The following ZNF704 variants were observed in gnomAD, a reference collection of about 807,000 sequenced individuals.
The protein encoded by ZNF704 is zinc finger protein 704.
ZNF704 carries 10 observed loss-of-function variants against 44.7 expected under a neutral mutation model. That is an observed-to-expected ratio of 0.22 (90% CI 0.14 to 0.38). The LOEUF is 0.38. Ranked by LOEUF, ZNF704 falls within the 10% of genes least tolerant of loss-of-function variation. The probability of loss-of-function intolerance (pLI) is 1.00; values close to 1 mark genes in which losing one functional copy is unlikely to be tolerated. For missense variants in ZNF704, 390 were observed against 545.5 expected, an observed-to-expected ratio of 0.71 and a Z score of 2.84; for synonymous variants, 211 against 207.6, an observed-to-expected ratio of 1.02 and a Z score of -0.14.
intron 1 of ZNF704, among the ~76,000 whole-genome samples, chr8:80,869,391 T>G (rs985247563): frequency 1.3e-5 from 2 of 152,210 alleles, no homozygotes; most frequent in African/African-American, 4.8e-5. Context: ...CAAATCTCCC[T>G]CACCCTCAGC....
At chr8:80,767,258 A>T (rs1302311837) in intron 2 of ZNF704, among the ~76,000 whole-genome samples, 1 of 152,138 alleles carries the variant, frequency 6.6e-6, no homozygotes, top group Non-Finnish European at 1.5e-5. Context: ...TGGTTAATTA[A>T]TAAATATCTT....
intron 4 of ZNF704, among the ~76,000 whole-genome samples, chr8:80,676,326 C>T (rs911414770): frequency 6.6e-6 from 1 of 152,104 alleles, no homozygotes; most frequent in African/African-American, 2.4e-5. Context: ...GGAGTGACTG[C>T]AAAGACAGGG....
At chr8:80,666,505 G>C (rs1452862032) in intron 5 of ZNF704, among the ~76,000 whole-genome samples, 1 of 143,944 alleles carries the variant, frequency 6.9e-6, no homozygotes, top group Non-Finnish European at 1.5e-5. Flanking sequence ...GGGTCAAATG[G>C]TATTTCTAGT....
intron 2 of ZNF704, chr8:80,812,488 T>G (rs1234832311): frequency 1.3e-5 from 2 of 153,020 alleles, no homozygotes; most frequent in South Asian, 4.1e-4. Flanking sequence ...TCTGAGAAGT[T>G]GATGGGAGCA....
Position 80,655,047 on chromosome 8 carries a change from T to C in ZNF704, c.1032+4538A>G, listed in dbSNP as rs535924670. ...TGAGTTCATGTCCTTTGTAGGGACATGGATGAAGCTGGAAACCATCATTCT... is the reference window on the plus strand; with the variant it reads ...TGAGTTCATGTCCTTTGTAGGGACACGGATGAAGCTGGAAACCATCATTCT... On this transcript the variant is annotated intron_variant, in intron 7 of 8. Coordinates refer to ENST00000327835, the MANE Select transcript of ZNF704 (RefSeq NM_001033723.3). Among the ~76,000 whole-genome samples the C allele has an allele frequency of 1.9e-4, 29 of 152,264 alleles. No individual in the cohort carries two copies. The East Asian group carries it at 4.8e-3, about 25-fold the overall frequency.
chr8:80,701,998 T>A (rs997306534), intron 2 of ZNF704, among the ~76,000 whole-genome samples: 1 of 152,170 alleles, frequency 6.6e-6, no homozygotes, highest in Admixed American at 6.5e-5. Context: ...TGAAAGGAAC[T>A]CTAGCATATT....
chr8:80,859,461 G>A (rs189954091), intron 1 of ZNF704, among the ~76,000 whole-genome samples: 59 of 152,298 alleles, frequency 3.9e-4, no homozygotes, highest in Admixed American at 3.7e-3. Flanking sequence ...CTGCAGGCTT[G>A]CTCCCCTGGG....
At chr8:80,843,379 A>G (rs1808713184) in intron 1 of ZNF704, among the ~76,000 whole-genome samples, 1 of 152,224 alleles carries the variant, frequency 6.6e-6, no homozygotes, top group Non-Finnish European at 1.5e-5. Context: ...AATTATTACT[A>G]TGTGTTTATG....
In ZNF704 at chr8:80,665,078, C is replaced by G. The variant is rs761403140; in HGVS notation, c.664G>C (p.Val222Leu). The G allele has an allele frequency of 6.2e-7, 1 of 1,613,988 alleles. No homozygotes were observed. Among genetic ancestry groups the G allele is most frequent in the Non-Finnish European group, 8.5e-7 (1 of 1,179,850 alleles). The change falls in exon 6 of 9, where the codon GTT becomes CTT. Residue 222 changes from valine to leucine, a missense_variant. Coordinates refer to ENST00000327835, the MANE Select transcript of ZNF704 (RefSeq NM_001033723.3). Reference protein sequence around the residue: ...KHIRTIHLGRVGDSDYSDGEE... With the variant: ...KHIRTIHLGRLGDSDYSDGEE... ...CCATCACTGTAGTCAGAGTCTCCAACGCGCCTAATGCAAAAGAGAGTAAAA... is the reference window on the plus strand; with the variant it reads ...CCATCACTGTAGTCAGAGTCTCCAAGGCGCCTAATGCAAAAGAGAGTAAAA...
chr8:80,854,651 T>A (rs1808927340), intron 1 of ZNF704, among the ~76,000 whole-genome samples: 1 of 152,132 alleles, frequency 6.6e-6, no homozygotes, highest in Non-Finnish European at 1.5e-5. Context: ...TTCTACTCCC[T>A]TTGCTTAGAA....
intron 6 of ZNF704, among the ~76,000 whole-genome samples, chr8:80,663,453 TCTC>T (rs1202239682): frequency 6.6e-6 from 1 of 151,914 alleles, no homozygotes; most frequent in Non-Finnish European, 1.5e-5. Context: ...CCTAAGGTCT[TCTC>T]AGACTTTAGC....
chr8:80,749,122 C>G (rs2131703417), intron 2 of ZNF704, among the ~76,000 whole-genome samples: 1 of 152,138 alleles, frequency 6.6e-6, no homozygotes, highest in East Asian at 1.9e-4. Context: ...ATAATTTTAA[C>G]TACCTGCAAA....
chr8:80,686,295 A>G, intron 4 of ZNF704, among the ~76,000 whole-genome samples: 1 of 152,218 alleles, frequency 6.6e-6, no homozygotes, highest in East Asian at 1.9e-4. Flanking sequence ...AAAACTTACC[A>G]TATAGGACTG....
At chr8:80,737,612 C>A (rs1374759970) in intron 2 of ZNF704, among the ~76,000 whole-genome samples, 1 of 152,150 alleles carries the variant, frequency 6.6e-6, no homozygotes, top group East Asian at 1.9e-4. Flanking sequence ...CAAGGAGAGG[C>A]AATCTCTCTA....
chr8:80,850,837 G>A (rs896487326), intron 1 of ZNF704, among the ~76,000 whole-genome samples: 2 of 152,100 alleles, frequency 1.3e-5, no homozygotes, highest in African/African-American at 4.8e-5. Context: ...ACCTCACCTG[G>A]GAACCATGGG....
chr8:80,666,770 G>A (rs1386300688), intron 5 of ZNF704, among the ~76,000 whole-genome samples: 2 of 150,344 alleles, frequency 1.3e-5, no homozygotes, highest in African/African-American at 4.9e-5. Flanking sequence ...CTTCTTTTGA[G>A]AAGTGTCTGT....
At chr8:80,790,599 G>A (rs1003869471) in intron 2 of ZNF704, among the ~76,000 whole-genome samples, 8 of 152,176 alleles carry the variant, frequency 5.3e-5, no homozygotes, top group African/African-American at 1.9e-4. Flanking sequence ...ACTAGTGGGA[G>A]AAGGCCAGCA....
chr8:80,722,798 GT>G lies in ZNF704; in HGVS notation c.222-29692del, dbSNP rs539382630. 1.3e-3 allele frequency among the ~76,000 whole-genome samples: 190 copies of G among 151,924 alleles called. 1 individual carries two copies. The highest frequency in any genetic ancestry group is 2.3e-3 in the Non-Finnish European group (158 of 67,888). On this transcript the variant is annotated intron_variant, in intron 2 of 8. Coordinates refer to ENST00000327835, the MANE Select transcript of ZNF704 (RefSeq NM_001033723.3). ...CTGTTGGGAAGAGTGGGTTCTCTTT[GT>G]CAGCATCCCAAACCACTCTCTCCCA...
At chr8:80,865,564 C>T (rs959561639) in intron 1 of ZNF704, among the ~76,000 whole-genome samples, 3 of 152,234 alleles carry the variant, frequency 2.0e-5, no homozygotes, top group African/African-American at 7.2e-5. Context: ...GGTATACAAC[C>T]TTTTAAAACA....
Sources: allele counts gnomAD v4.1 joint callset (sites outside exome capture counted in the v4.1 genomes callset), GRCh38; gene constraint gnomAD v4.1.1; transcripts MANE v1.5; gene names NCBI Gene and HGNC (gene_info 2026-07-23, HGNC 2026-07-21).